KIF13B: variants seen among roughly 807,000 people sequenced by gnomAD.
KIF13B encodes kinesin-like protein KIF13B.
In KIF13B, 127 loss-of-function variants were observed where a neutral mutation model predicts 222.0. The observed-to-expected ratio is 0.57, with a 90% CI of 0.50 to 0.66. The LOEUF (loss-of-function observed/expected upper bound fraction) is 0.66, where lower values mean the gene tolerates loss of function less well. Among genes scored for constraint, KIF13B ranks in the 30% least tolerant of loss-of-function variants. The pLI is 0.00. For synonymous variants in KIF13B, 976 were observed against 919.0 expected, an observed-to-expected ratio of 1.06 and a Z score of -1.12; for missense variants, 2,173 against 2,379.0, an observed-to-expected ratio of 0.91 and a Z score of 1.80.
At chr8:29,230,520 G>C (rs941724622) in intron 2 of KIF13B, among the ~76,000 whole-genome samples, 1 of 152,130 alleles carries the variant, frequency 6.6e-6, no homozygotes, top group Non-Finnish European at 1.5e-5. Context: ...GAATCCCTGA[G>C]GACACAGACA....
intron 3 of KIF13B, among the ~76,000 whole-genome samples, chr8:29,194,273 C>G (rs1459077247): frequency 6.7e-6 from 1 of 148,990 alleles, no homozygotes; most frequent in Non-Finnish European, 1.5e-5. Context: ...TGGCACTCTC[C>G]TCTCCATTAT....
intron 10 of KIF13B, among the ~76,000 whole-genome samples, chr8:29,171,279 C>T (rs1812224830): frequency 6.6e-6 from 1 of 152,118 alleles, no homozygotes; most frequent in Admixed American, 6.5e-5. Context: ...ATGCGTAACC[C>T]TCATTTAATG....
At chr8:29,259,079 A>G (rs984451083) in intron 1 of KIF13B, among the ~76,000 whole-genome samples, 5 of 152,222 alleles carry the variant, frequency 3.3e-5, no homozygotes, top group African/African-American at 9.6e-5. Flanking sequence ...AGATTTGATC[A>G]GTTACACGTA....
intron 37 of KIF13B, among the ~76,000 whole-genome samples, chr8:29,083,104 G>GGAGTTGCACTGCACTTCA (rs1807888321): frequency 6.6e-6 from 1 of 152,146 alleles, no homozygotes; most frequent in Admixed American, 6.5e-5. Flanking sequence ...ACTCCAGCCT[G>GGAGTTGCACTGCACTTCA]GGCAACAGAG....
At chr8:29,215,085 C>A (rs1325480807) in intron 2 of KIF13B, among the ~76,000 whole-genome samples, 1 of 152,150 alleles carries the variant, frequency 6.6e-6, no homozygotes, top group African/African-American at 2.4e-5. Context: ...GCTCCACGCT[C>A]CCTGCATGAG....
At chr8:29,260,405 T>G (rs190409053) in intron 1 of KIF13B, among the ~76,000 whole-genome samples, 10 of 152,326 alleles carry the variant, frequency 6.6e-5, no homozygotes, top group African/African-American at 2.2e-4. Context: ...CCCGTCCTCT[T>G]TTATAGATAG....
intron 14 of KIF13B, among the ~76,000 whole-genome samples, chr8:29,152,019 A>G (rs76189889): frequency 0.034 from 5,168 of 152,278 alleles, 299 homozygotes; most frequent in African/African-American, 0.12. Flanking sequence ...CAACATTAAC[A>G]AGGAATTTGG....
chr8:29,140,034 C>T (rs983517573), intron 21 of KIF13B, 29 bp downstream of exon 21: 16 of 1,544,756 alleles, frequency 1.0e-5, no homozygotes, highest in East Asian at 4.9e-5. Flanking sequence ...TTTGTATCAA[C>T]GTAATACTAG....
rs957172402 is a variant in KIF13B, at chr8:29,069,785, G to C, written c.*719C>G. 1 of 152,262 alleles carries C rather than the reference G, an allele frequency of 6.6e-6. No individual in the cohort carries two copies. The highest frequency in any genetic ancestry group is 1.9e-4 in the East Asian group (1 of 5,200). 9.4% of individuals were successfully genotyped at this position (152,262 alleles called of 1,614,324 possible). ...ATACATTCCAAGCCTTCTGTGAAGG[G>C]AATAAACGGCAAACATAAGAGACTT... On this transcript the variant is annotated 3_prime_UTR_variant, in exon 40 of 40. Transcript: ENST00000524189.
intron 2 of KIF13B, among the ~76,000 whole-genome samples, chr8:29,208,070 G>A (rs1023914063): frequency 6.6e-6 from 1 of 152,292 alleles, no homozygotes; most frequent in East Asian, 1.9e-4. Flanking sequence ...TCATGTATTT[G>A]CAGTTCATCA....
chr8:29,154,480 A>C (rs1176346068), intron 14 of KIF13B, among the ~76,000 whole-genome samples: 1 of 152,168 alleles, frequency 6.6e-6, no homozygotes, highest in Non-Finnish European at 1.5e-5. Context: ...TTCAGACAGA[A>C]TTTAAGAACG....
chr8:29,248,628 CATTT>C (rs750339601), intron 1 of KIF13B, among the ~76,000 whole-genome samples: 10 of 152,166 alleles, frequency 6.6e-5, no homozygotes, highest in Non-Finnish European at 1.2e-4. Context: ...CCCCATGATT[CATTT>C]GTCTCCCACT....
Position 29,173,520 on chromosome 8 carries a change from G to A in KIF13B, c.945+2548C>T, listed in dbSNP as rs566953473. Among the ~76,000 whole-genome samples the A allele has an allele frequency of 2.0e-5, 3 of 151,752 alleles. No homozygotes were observed. The East Asian group carries it at 5.8e-4, about 29-fold the overall frequency. On this transcript the variant is annotated intron_variant, in intron 10 of 39. Transcript: ENST00000524189. ...GGTGTAGTCCCAACTACTAAAGGAGGCTGATGTGGGAGGATCACTTGAGTC... is the reference window on the plus strand; with the variant it reads ...GGTGTAGTCCCAACTACTAAAGGAGACTGATGTGGGAGGATCACTTGAGTC...
chr8:29,180,944 T>C (rs1010286919), intron 7 of KIF13B, among the ~76,000 whole-genome samples: 3 of 152,184 alleles, frequency 2.0e-5, no homozygotes, highest in Non-Finnish European at 2.9e-5. Context: ...AAAATGTATG[T>C]GCAAAAGTCG....
intron 36 of KIF13B, among the ~76,000 whole-genome samples, chr8:29,098,325 G>C (rs140625485): frequency 4.7e-5 from 7 of 150,260 alleles, no homozygotes; most frequent in Non-Finnish European, 8.9e-5. Context: ...TAAACTTGCC[G>C]GGTGCAGTAG....
chr8:29,197,065 C>A (rs111984866), intron 2 of KIF13B, among the ~76,000 whole-genome samples: 1 of 152,144 alleles, frequency 6.6e-6, no homozygotes, highest in East Asian at 1.9e-4. Context: ...TGGCCGGGCG[C>A]GGTGGCTCAC....
At chr8:29,228,472 A>AATATATATATATATATATATATAT (rs1491523107) in intron 2 of KIF13B, among the ~76,000 whole-genome samples, 2 of 117,086 alleles carry the variant, frequency 1.7e-5, no homozygotes, top group South Asian at 2.9e-4. Context: ...ATCTTAAAAA[A>AATATATATATATATATATATATAT]ATATATATAT....
chr8:29,196,523 T>C (rs1813429797), intron 2 of KIF13B, among the ~76,000 whole-genome samples: 3 of 152,306 alleles, frequency 2.0e-5, no homozygotes, highest in East Asian at 1.9e-4. Context: ...CTTATAAATA[T>C]ATATTTTTTA....
rs114821188 is a variant in KIF13B, at chr8:29,231,034, C to T, written c.149+14312G>A. Among the ~76,000 whole-genome samples, 1,012 of 152,254 alleles carry T rather than the reference C, an allele frequency of 6.6e-3. 11 individuals are homozygous for T. Among genetic ancestry groups the T allele is most frequent in the African/African-American group, 0.023 (974 of 41,548 alleles). ...TAGCTGGGACTACAGGCATGCACCACCATGCCCAGGTGATTTTTTTATTTT... is the reference window on the plus strand; with the variant it reads ...TAGCTGGGACTACAGGCATGCACCATCATGCCCAGGTGATTTTTTTATTTT... On this transcript the variant is annotated intron_variant, in intron 2 of 39. Transcript: ENST00000524189.
Sources: gnomAD v4.1 joint callset for allele counts (sites outside exome capture counted in the v4.1 genomes callset) on GRCh38, gnomAD v4.1.1 for gene constraint, MANE v1.5 for transcripts, NCBI Gene and HGNC (gene_info 2026-07-23, HGNC 2026-07-21) for gene names.